Variants in SGCZ observed in about 807,000 individuals in gnomAD.
SGCZ encodes zeta-sarcoglycan.
A neutral mutation model predicts 41.3 loss-of-function variants in SGCZ; 40 were observed. That is an observed-to-expected ratio of 0.97 (90% CI 0.75 to 1.26). SGCZ has a LOEUF of 1.26. Among genes scored for constraint, SGCZ ranks in the 50% most tolerant of loss-of-function variants. The pLI, the probability that SGCZ is intolerant of heterozygous loss-of-function variation, is 0.00. For synonymous variants in SGCZ, 206 were observed against 137.5 expected (o/e 1.50, Z -3.49); for missense variants, 552 against 369.8 (o/e 1.49, Z -4.04).
intron 1 of SGCZ, among the ~76,000 whole-genome samples, chr8:15,228,739 TAA>T (rs1345927521): frequency 6.6e-6 from 1 of 152,186 alleles, no homozygotes; most frequent in Non-Finnish European, 1.5e-5. Context: ...ACCTAAGTAT[TAA>T]ATATCAGTCT....
intron 1 of SGCZ, among the ~76,000 whole-genome samples, chr8:14,640,518 T>C (rs1467548946): frequency 2.0e-5 from 3 of 151,784 alleles, no homozygotes. Flanking sequence ...AGTTTCACAA[T>C]AATGTATCTT....
At chr8:14,983,119 T>C (rs1313257523) in intron 1 of SGCZ, among the ~76,000 whole-genome samples, 2 of 152,150 alleles carry the variant, frequency 1.3e-5, no homozygotes. Context: ...TTGAGAACAT[T>C]GTAAGTATTA....
chr8:14,286,161 C>G (rs1382554417), intron 3 of SGCZ, among the ~76,000 whole-genome samples: 4 of 151,804 alleles, frequency 2.6e-5, no homozygotes. Context: ...ATAATGAATC[C>G]TTTGCTTCCT....
chr8:14,762,006 C>T (rs1253021733), intron 1 of SGCZ, among the ~76,000 whole-genome samples: 1 of 152,052 alleles, frequency 6.6e-6, no homozygotes, highest in Non-Finnish European at 1.5e-5. Context: ...CTGAACTACA[C>T]AATGGAAAGT....
At chr8:15,052,216 C>T (rs970974585) in intron 1 of SGCZ, among the ~76,000 whole-genome samples, 4 of 152,146 alleles carry the variant, frequency 2.6e-5, no homozygotes, top group Non-Finnish European at 5.9e-5. Context: ...GACAGTTACC[C>T]TAACCTTAGG....
intron 1 of SGCZ, among the ~76,000 whole-genome samples, chr8:14,907,864 T>C (rs1050231106): frequency 1.3e-5 from 2 of 152,120 alleles, no homozygotes; most frequent in African/African-American, 4.8e-5. Context: ...TCCAAAATAA[T>C]ATTTAGGATG....
chr8:15,102,115 T>A (rs1806638417), intron 1 of SGCZ, among the ~76,000 whole-genome samples: 1 of 152,182 alleles, frequency 6.6e-6, no homozygotes, highest in Non-Finnish European at 1.5e-5. Context: ...ACAACAGTAT[T>A]TATAGCAGCT....
intron 1 of SGCZ, among the ~76,000 whole-genome samples, chr8:15,010,653 G>A (rs2127774): frequency 0.26 from 39,535 of 152,026 alleles, 5,769 homozygotes; most frequent in East Asian, 0.39. Flanking sequence ...ATGATGGTTC[G>A]TGTACTGTCA....
intron 1 of SGCZ, among the ~76,000 whole-genome samples, chr8:14,615,404 G>A (rs1194317664): frequency 6.6e-6 from 1 of 152,206 alleles, no homozygotes; most frequent in Non-Finnish European, 1.5e-5. Flanking sequence ...AAAGCTCACT[G>A]CTCTCACTGC....
intron 1 of SGCZ, among the ~76,000 whole-genome samples, chr8:15,120,675 T>C (rs148606758): frequency 1.3e-5 from 2 of 152,278 alleles, no homozygotes; most frequent in African/African-American, 2.4e-5. Context: ...AGAAAATGAA[T>C]TGACATGCTC....
At chr8:14,755,266 G>C (rs1052449826) in intron 1 of SGCZ, among the ~76,000 whole-genome samples, 2 of 151,634 alleles carry the variant, frequency 1.3e-5, no homozygotes, top group African/African-American at 4.8e-5. Context: ...CTGTTTGTTT[G>C]CGGCTGTAGT....
intron 1 of SGCZ, among the ~76,000 whole-genome samples, chr8:14,773,392 A>G (rs2256304): frequency 0.091 from 13,780 of 152,214 alleles, 667 homozygotes; most frequent in Middle Eastern, 0.13. Flanking sequence ...AGCAAAACAA[A>G]CAAAAGAAAA....
chr8:14,443,234 C>T (rs1260925041), intron 2 of SGCZ, among the ~76,000 whole-genome samples: 1 of 152,116 alleles, frequency 6.6e-6, no homozygotes, highest in Non-Finnish European at 1.5e-5. Flanking sequence ...GGCCATACTG[C>T]CCAAGGTAAT....
intron 1 of SGCZ, among the ~76,000 whole-genome samples, chr8:14,937,189 T>TA (rs1316318016): frequency 6.6e-6 from 1 of 151,894 alleles, no homozygotes; most frequent in Non-Finnish European, 1.5e-5. Flanking sequence ...TTAGCAATAT[T>TA]AAAATTAAAG....
chr8:14,541,296 C>T (rs1053644444), intron 2 of SGCZ, among the ~76,000 whole-genome samples: 1 of 151,904 alleles, frequency 6.6e-6, no homozygotes, highest in Non-Finnish European at 1.5e-5. Flanking sequence ...TGCTCTCCCT[C>T]CCCTTTACCC....
chr8:14,462,841 C>T (rs990689757), intron 2 of SGCZ, among the ~76,000 whole-genome samples: 1 of 151,508 alleles, frequency 6.6e-6, no homozygotes, highest in Non-Finnish European at 1.5e-5. Flanking sequence ...TTAAACCTTC[C>T]AATCCATGGG....
At chr8:14,252,588 G>A (rs892240651) in intron 3 of SGCZ, among the ~76,000 whole-genome samples, 7 of 152,068 alleles carry the variant, frequency 4.6e-5, no homozygotes, top group African/African-American at 1.7e-4. Context: ...CCAGGATTAA[G>A]GGTTAAGGAA....
chr8:14,141,627 C>T (rs1016425012), intron 5 of SGCZ, among the ~76,000 whole-genome samples: 1 of 152,094 alleles, frequency 6.6e-6, no homozygotes, highest in Non-Finnish European at 1.5e-5. Flanking sequence ...TACCATCTTA[C>T]ACCAGTTAGA....
chr8:14,087,146 G>C lies in SGCZ; in HGVS notation c.*3297C>G, dbSNP rs1161945905. On this transcript the variant is annotated 3_prime_UTR_variant, in exon 8 of 8. Transcript: ENST00000382080. Reference sequence around the variant, plus strand: ...CTTAAACTCTTAGATAAATAATTATGTGCCAAATTATAAAACATATCATTC... The same window carrying C: ...CTTAAACTCTTAGATAAATAATTATCTGCCAAATTATAAAACATATCATTC... Among the ~76,000 whole-genome samples, 1 of 151,502 alleles carries C rather than the reference G, an allele frequency of 6.6e-6. No individual in the cohort carries two copies. Among genetic ancestry groups the C allele is most frequent in the Non-Finnish European group, 1.5e-5 (1 of 67,684 alleles).
Sources: gnomAD v4.1 joint callset for allele counts (sites outside exome capture counted in the v4.1 genomes callset) on GRCh38, gnomAD v4.1.1 for gene constraint, MANE v1.5 for transcripts, NCBI Gene and HGNC (gene_info 2026-07-23, HGNC 2026-07-21) for gene names.